The following SUSD5 variants were observed in gnomAD, a reference collection of about 807,000 sequenced individuals.
The protein encoded by SUSD5 is sushi domain containing 5, also known as sushi domain-containing protein 5.
In SUSD5, 33 loss-of-function variants were observed where a neutral mutation model predicts 29.5. The ratio of observed to expected loss-of-function variants is 1.12; its 90% CI spans 0.85 to 1.49. The LOEUF (loss-of-function observed/expected upper bound fraction) is 1.49. Ranked by LOEUF, SUSD5 falls within the 40% of genes most tolerant of loss-of-function variation. SUSD5 has a pLI of 0.00. For missense variants in SUSD5, 776 were observed against 800.6 expected, an observed-to-expected ratio of 0.97 and a Z score of 0.37; for synonymous variants, 308 against 325.3, an observed-to-expected ratio of 0.95 and a Z score of 0.57.
At chr3:33,197,562 A>C (rs761622284) in intron 3 of SUSD5, among the ~76,000 whole-genome samples, 1 of 152,074 alleles carries the variant, frequency 6.6e-6, no homozygotes, top group East Asian at 1.9e-4. Flanking sequence ...CCACCACCAC[A>C]ACAATCAAGG....
chr3:33,205,188 G>A (rs981068049), intron 3 of SUSD5, among the ~76,000 whole-genome samples: 12 of 152,122 alleles, frequency 7.9e-5, no homozygotes, highest in African/African-American at 2.7e-4. Context: ...AAATTTAAAC[G>A]TTGATACAAT....
chr3:33,211,575 C>G (rs1238780794), intron 2 of SUSD5, among the ~76,000 whole-genome samples: 3 of 152,162 alleles, frequency 2.0e-5, no homozygotes, highest in Non-Finnish European at 4.4e-5. Flanking sequence ...CTGCTTCATA[C>G]TTGGCACATT....
chr3:33,206,055 C>A (rs2032212822), intron 3 of SUSD5, among the ~76,000 whole-genome samples: 1 of 152,138 alleles, frequency 6.6e-6, no homozygotes, highest in South Asian at 2.1e-4. Flanking sequence ...AGGGATATGA[C>A]CCTCTGTTTA....
Position 33,153,827 on chromosome 3 carries a change from T to C in SUSD5, c.805A>G (p.Thr269Ala), listed in dbSNP as rs750289624. 3.1e-6 allele frequency: 5 copies of C among 1,614,008 alleles called. No homozygotes were observed. The highest frequency in any genetic ancestry group is 4.2e-6 in the Non-Finnish European group (5 of 1,179,858). ...NIARDKVFVP[T>A]TGLPGAGSSV... The stretch of plus-strand genomic sequence containing the variant: ...CTCCCAGCACCAGGCAAGCCTGTGG[T>C]TGGCACAAAGACTTTATCCCGGGCT... The change falls in exon 5 of 5, where the codon ACC (threonine) becomes GCC (alanine). Residue 269 changes from threonine to alanine, a missense_variant. Thr to Ala is a moderately conservative substitution (Grantham distance 58). Coordinates refer to ENST00000309558, the MANE Select transcript of SUSD5 (RefSeq NM_015551.2).
chr3:33,201,576 A>G (rs2032117845), intron 3 of SUSD5, among the ~76,000 whole-genome samples: 1 of 152,088 alleles, frequency 6.6e-6, no homozygotes, highest in Admixed American at 6.5e-5. Context: ...ACATTTTTGG[A>G]GCAGAAGACC....
chr3:33,164,575 A>AT (rs2031265616), intron 4 of SUSD5, among the ~76,000 whole-genome samples: 7 of 152,218 alleles, frequency 4.6e-5, no homozygotes, highest in Admixed American at 4.6e-4. Context: ...GATACTATGA[A>AT]GAACATGAAA....
intron 4 of SUSD5, among the ~76,000 whole-genome samples, chr3:33,154,863 T>C (rs949826220): frequency 1.3e-5 from 2 of 152,210 alleles, no homozygotes; most frequent in Admixed American, 6.5e-5. Flanking sequence ...AATCGATCTA[T>C]ACAGATCTAA....
rs1034308710 is a variant in SUSD5, at chr3:33,184,626, CTT to C, written c.410-9554_410-9553del. Among the ~76,000 whole-genome samples the C allele has an allele frequency of 3.4e-4, 36 of 105,600 alleles. 1 individual carries two copies. The highest frequency in any genetic ancestry group is 6.4e-4 in the Non-Finnish European group (27 of 42,230). 69.3% of individuals were successfully genotyped at this position (105,600 alleles called of 152,430 possible). A position where few individuals can be genotyped will look rare whatever the true frequency, so the allele number is the denominator to read the frequency against. The stretch of plus-strand genomic sequence containing the variant: ...TTCTCTTTTTTTGTCTTTTATTTCT[CTT>C]TGTTTTTCAGTTTTGGAAGTTTCTA... On this transcript the variant is annotated intron_variant, in intron 3 of 4. Coordinates refer to ENST00000309558, the MANE Select transcript of SUSD5 (RefSeq NM_015551.2).
At chr3:33,186,741 C>T (rs971637036) in intron 3 of SUSD5, among the ~76,000 whole-genome samples, 4 of 152,046 alleles carry the variant, frequency 2.6e-5, no homozygotes, top group South Asian at 4.2e-4. Context: ...TTCTTAAAGA[C>T]GCTCATTGCT....
At chr3:33,162,572 G>A (rs2031214159) in intron 4 of SUSD5, among the ~76,000 whole-genome samples, 1 of 152,166 alleles carries the variant, frequency 6.6e-6, no homozygotes, top group Non-Finnish European at 1.5e-5. Flanking sequence ...AGATGCAAAT[G>A]AAAAACATTA....
At chr3:33,213,870 T>C in intron 2 of SUSD5, 58 bp downstream of exon 2, 3 of 1,532,256 alleles carry the variant, frequency 2.0e-6, no homozygotes, top group Admixed American at 1.9e-5. Context: ...CTGAGTCCTA[T>C]ATAAGCCTTG....
Position 33,202,184 on chromosome 3 carries a change from G to A in SUSD5, c.409+5624C>T, listed in dbSNP as rs536011974. On this transcript the variant is annotated intron_variant, in intron 3 of 4. Coordinates refer to ENST00000309558, the MANE Select transcript of SUSD5 (RefSeq NM_015551.2). ...ATAAATGACTGACAGCAGGTCCATG[G>A]TAATGAGCTCAGAGGCTTTCACACT... Among the ~76,000 whole-genome samples the A allele has an allele frequency of 2.6e-5, 4 of 152,230 alleles. No homozygotes were observed. In the South Asian group the frequency reaches 8.3e-4, roughly 32 times the overall value.
intron 3 of SUSD5, among the ~76,000 whole-genome samples, chr3:33,179,438 A>G (rs1369581333): frequency 6.6e-6 from 1 of 152,176 alleles, no homozygotes; most frequent in Non-Finnish European, 1.5e-5. Context: ...TAATGGTAAT[A>G]TACTAAAGGG....
At position 33,199,214 on chromosome 3, in the gene SUSD5, T is replaced by TCACACACACA. The variant is rs35522769; in HGVS notation, c.409+8584_409+8593dup. ...ATGTCTTTTTTTCTAGGGGAGAATT[T>TCACACACACA]CACACACACACACACACACACACAC... On this transcript the variant is annotated intron_variant, in intron 3 of 4. Transcript: ENST00000309558. 1.2e-3 allele frequency among the ~76,000 whole-genome samples: 171 copies of TCACACACACA among 147,990 alleles called. 1 individual carries two copies. The highest frequency in any genetic ancestry group is 4.0e-3 in the African/African-American group (159 of 40,248).
chr3:33,158,885 C>T (rs1015225628), intron 4 of SUSD5, among the ~76,000 whole-genome samples: 1 of 152,204 alleles, frequency 6.6e-6, no homozygotes, highest in Non-Finnish European at 1.5e-5. Flanking sequence ...CCTCTTTCCA[C>T]ACGTCATTTT....
At chr3:33,181,761 T>G (rs1019782600) in intron 3 of SUSD5, among the ~76,000 whole-genome samples, 6 of 152,214 alleles carry the variant, frequency 3.9e-5, no homozygotes, top group Non-Finnish European at 8.8e-5. Context: ...TGTGTTACAG[T>G]TGCCTACAGT....
intron 1 of SUSD5, among the ~76,000 whole-genome samples, chr3:33,216,851 T>TA (rs1424128949): frequency 1.3e-5 from 2 of 152,202 alleles, no homozygotes; most frequent in Non-Finnish European, 2.9e-5. Flanking sequence ...ATATAGCTTA[T>TA]AACTCTTCCT....
intron 3 of SUSD5, among the ~76,000 whole-genome samples, chr3:33,181,031 T>A (rs1020388852): frequency 1.4e-5 from 2 of 147,500 alleles, no homozygotes; most frequent in Non-Finnish European, 3.0e-5. Flanking sequence ...AAGTATAGAA[T>A]AAGGATATAA....
At chr3:33,187,208 C>T (rs907711259) in intron 3 of SUSD5, among the ~76,000 whole-genome samples, 1 of 152,142 alleles carries the variant, frequency 6.6e-6, no homozygotes, top group Admixed American at 6.5e-5. Context: ...ATAAATCTAT[C>T]TAAGGAACAC....
Sources: gnomAD v4.1 joint callset for allele counts (sites outside exome capture counted in the v4.1 genomes callset) on GRCh38, gnomAD v4.1.1 for gene constraint, MANE v1.5 for transcripts, NCBI Gene and HGNC (gene_info 2026-07-23, HGNC 2026-07-21) for gene names.